PHYHIPL: variants seen among roughly 807,000 people sequenced by gnomAD.
PHYHIPL encodes phytanoyl-CoA 2-hydroxylase interacting protein like.
PHYHIPL carries 9 observed loss-of-function variants against 33.4 expected under a neutral mutation model. That is an observed-to-expected ratio of 0.27 (90% CI 0.16 to 0.47). PHYHIPL has a LOEUF of 0.47. PHYHIPL is among the 20% of genes least tolerant of loss of function. The pLI is 0.99. For synonymous variants in PHYHIPL, 153 were observed against 154.1 expected (o/e 0.99, Z 0.05); for missense variants, 365 against 460.7 (o/e 0.79, Z 1.90).
At chr10:59,210,008 C>G (rs193072161) in intron 1 of PHYHIPL, among the ~76,000 whole-genome samples, 117 of 152,282 alleles carry the variant, frequency 7.7e-4, no homozygotes, top group African/African-American at 2.5e-3. Flanking sequence ...CCATTCAGGA[C>G]ACAGGCATGG....
chr10:59,190,409 A>G (rs1838753212), intron 1 of PHYHIPL, among the ~76,000 whole-genome samples: 1 of 151,854 alleles, frequency 6.6e-6, no homozygotes, highest in African/African-American at 2.4e-5. Flanking sequence ...TTTGAGGGTA[A>G]GTGACAGAAT....
chr10:59,216,951 G>A (rs1490706778), intron 1 of PHYHIPL, among the ~76,000 whole-genome samples: 2 of 152,232 alleles, frequency 1.3e-5, no homozygotes, highest in African/African-American at 4.8e-5. Flanking sequence ...AATAATGCAT[G>A]TCTGTTGAAC....
Position 59,180,313 on chromosome 10 carries a change from A to AGTATGTGTGT in PHYHIPL, c.106+3358_106+3359insGTGTGTGTAT, listed in dbSNP as rs1405828383. Among the ~76,000 whole-genome samples the AGTATGTGTGT allele has an allele frequency of 9.7e-4, 49 of 50,580 alleles. 1 individual carries two copies. Among genetic ancestry groups the AGTATGTGTGT allele is most frequent in the African/African-American group, 4.5e-3 (49 of 10,782 alleles). 33.2% of individuals were successfully genotyped at this position (50,580 alleles called of 152,430 possible). On this transcript the variant is annotated intron_variant, in intron 1 of 4. Coordinates refer to ENST00000373880, the MANE Select transcript of PHYHIPL (RefSeq NM_032439.4). ...ATATATAATATATATATATAGAAAA[A>AGTATGTGTGT]GTATATATATATATATATATATATA...
chr10:59,244,465 G>A (rs1021979238), intron 4 of PHYHIPL, among the ~76,000 whole-genome samples: 4 of 144,402 alleles, frequency 2.8e-5, no homozygotes, highest in Non-Finnish European at 6.0e-5. Context: ...TCTGAAGGCT[G>A]AGGCAGGAGA....
At chr10:59,203,043 C>T (rs934478713) in intron 1 of PHYHIPL, among the ~76,000 whole-genome samples, 8 of 152,106 alleles carry the variant, frequency 5.3e-5, no homozygotes, top group African/African-American at 1.9e-4. Flanking sequence ...TACCCAGAAT[C>T]TACAAAGAAC....
intron 1 of PHYHIPL, chr10:59,206,726 T>G: frequency 9.5e-7 from 1 of 1,055,480 alleles, no homozygotes; most frequent in Non-Finnish European, 1.2e-6. Flanking sequence ...AACTAAAAGC[T>G]GTTATGCATT....
chr10:59,234,514 A>C lies in PHYHIPL; in HGVS notation c.303+14A>C, dbSNP rs1397671258. On this transcript the variant is annotated intron_variant, in intron 2 of 4. Transcript: ENST00000373880. ...TTTAAACACAAGGTAAAATCTAACA[A>C]ATACTCATGCTAATTTGCATCTTAA... The C allele has an allele frequency of 6.7e-7, 1 of 1,502,386 alleles. No homozygotes were observed. The highest frequency in any genetic ancestry group is 8.9e-7 in the Non-Finnish European group (1 of 1,125,350). The allele number at this position is 1,502,386 out of a possible 1,614,324, so 93.1% of individuals were successfully genotyped here. A position where few individuals can be genotyped will look rare whatever the true frequency, so the allele number is the denominator to read the frequency against.
intron 4 of PHYHIPL, among the ~76,000 whole-genome samples, chr10:59,243,023 C>T (rs1401111539): frequency 6.6e-6 from 1 of 151,294 alleles, no homozygotes; most frequent in African/African-American, 2.4e-5. Context: ...CCAAATTTGC[C>T]AAACAACATA....
chr10:59,177,737 T>C (rs1838292062), intron 1 of PHYHIPL: 2 of 1,235,134 alleles, frequency 1.6e-6, no homozygotes, highest in East Asian at 2.5e-5. Flanking sequence ...GCTAGTGCTG[T>C]GTGCGGTGTG....
upstream of PHYHIPL, among the ~76,000 whole-genome samples, chr10:59,176,411 G>T (rs1048574446): frequency 2.0e-5 from 3 of 152,006 alleles, no homozygotes; most frequent in South Asian, 2.1e-4. Flanking sequence ...CCGCGCGCTC[G>T]GTCGCCCGAC....
At chr10:59,214,512 A>G (rs1839553049) in intron 1 of PHYHIPL, among the ~76,000 whole-genome samples, 1 of 152,014 alleles carries the variant, frequency 6.6e-6, no homozygotes, top group Admixed American at 6.6e-5. Context: ...ATTGGCGGTT[A>G]TGTTGATGGT....
At chr10:59,188,772 G>C (rs1239117008) in intron 1 of PHYHIPL, among the ~76,000 whole-genome samples, 4 of 151,824 alleles carry the variant, frequency 2.6e-5, no homozygotes, top group Non-Finnish European at 5.9e-5. Context: ...TATTTTATCC[G>C]AGACTAAGAT....
chr10:59,230,098 G>T lies in PHYHIPL; in HGVS notation c.107-4206G>T, dbSNP rs1195721345. On this transcript the variant is annotated intron_variant, in intron 1 of 4. Transcript: ENST00000373880. ...TGTAAAATGGGCTTATTATCCTTTT[G>T]TACACTTAAAATGTTTTAGTGAGTC... Among the ~76,000 whole-genome samples the T allele has an allele frequency of 2.6e-5, 4 of 151,606 alleles. No homozygotes were observed. In the East Asian group the frequency reaches 7.8e-4, roughly 29 times the overall value.
At chr10:59,240,502 A>C (rs1010322532) in intron 4 of PHYHIPL, among the ~76,000 whole-genome samples, 1 of 130,498 alleles carries the variant, frequency 7.7e-6, no homozygotes, top group African/African-American at 2.6e-5. Context: ...TCTATTTTAT[A>C]AAAAAAAAAA....
At chr10:59,186,560 A>G (rs936732880) in intron 1 of PHYHIPL, among the ~76,000 whole-genome samples, 3 of 152,118 alleles carry the variant, frequency 2.0e-5, no homozygotes, top group Non-Finnish European at 2.9e-5. Flanking sequence ...CTTGGGCAGT[A>G]TGGCCATTTT....
chr10:59,228,219 A>C (rs1328372170), intron 1 of PHYHIPL, among the ~76,000 whole-genome samples: 6 of 152,116 alleles, frequency 3.9e-5, no homozygotes, highest in Non-Finnish European at 8.8e-5. Context: ...TGATTAATAG[A>C]ATAGAATACA....
intron 1 of PHYHIPL, among the ~76,000 whole-genome samples, chr10:59,217,125 C>T (rs751158428): frequency 3.3e-5 from 5 of 152,138 alleles, no homozygotes; most frequent in Middle Eastern, 6.8e-3. Context: ...TACTAGACTA[C>T]CTTTTACAAA....
chr10:59,233,023 A>G (rs1424861651), intron 1 of PHYHIPL, among the ~76,000 whole-genome samples: 1 of 151,948 alleles, frequency 6.6e-6, no homozygotes, highest in African/African-American at 2.4e-5. Context: ...AAGGTGAAGT[A>G]GTTTTTCCAG....
At chr10:59,176,985 A>G in intron 1 of PHYHIPL, 26 bp downstream of exon 1, 5 of 1,602,582 alleles carry the variant, frequency 3.1e-6, no homozygotes, top group Non-Finnish European at 4.3e-6. Flanking sequence ...ACCGCGAGGA[A>G]AGGGACAGAG....
Sources: allele counts gnomAD v4.1 joint callset (sites outside exome capture counted in the v4.1 genomes callset), GRCh38; gene constraint gnomAD v4.1.1; transcripts MANE v1.5; gene names NCBI Gene and HGNC (gene_info 2026-07-23, HGNC 2026-07-21).